Variants in PCDHGA1 observed in about 807,000 individuals in gnomAD.
The protein encoded by PCDHGA1 is protocadherin gamma subfamily A, 1.
Under a neutral mutation model 58.0 loss-of-function variants are expected in PCDHGA1, and 32 were observed. The ratio of observed to expected loss-of-function variants is 0.55; its 90% CI spans 0.42 to 0.74. The LOEUF (loss-of-function observed/expected upper bound fraction) is 0.74, where lower values mean the gene tolerates loss of function less well. PCDHGA1 is among the 30% of genes least tolerant of loss of function. PCDHGA1 has a pLI of 0.00. For synonymous variants in PCDHGA1, 498 were observed against 501.1 expected (o/e 0.99, Z 0.08); for missense variants, 1,205 against 1,182.3 (o/e 1.02, Z -0.28).
chr5:141,445,075 A>G (rs1251499929), intron 1 of PCDHGA1, among the ~76,000 whole-genome samples: 1 of 152,170 alleles, frequency 6.6e-6, no homozygotes, highest in East Asian at 1.9e-4. Context: ...TTCTCATTAA[A>G]TTGTCCCTAC....
intron 1 of PCDHGA1, among the ~76,000 whole-genome samples, chr5:141,482,354 G>C (rs1461472845): frequency 6.6e-6 from 1 of 152,096 alleles, no homozygotes; most frequent in Non-Finnish European, 1.5e-5. Context: ...CTTGTTGTGA[G>C]AGTGAAAAGT....
chr5:141,433,236 C>G, intron 1 of PCDHGA1: 2 of 1,501,160 alleles, frequency 1.3e-6, no homozygotes, highest in South Asian at 1.3e-5. Flanking sequence ...CTCTGTCTCC[C>G]AAGCTGGAAT....
rs756144117 is a variant in PCDHGA1, at chr5:141,485,181, G to A, written c.2422-9626G>A. On this transcript the variant is annotated intron_variant, in intron 1 of 3. Transcript: ENST00000517417. This position sits in a 1 kb window ranked among gnomAD's most constrained non-coding sequence, Gnocchi z 5.7. ...AATTAGCGGGCGGCAGCAATGCTCC[G>A]CAAGGTGAGAAGCTGGACAGAAATC... 3.1e-6 allele frequency: 5 copies of A among 1,612,942 alleles called. No individual in the cohort carries two copies. The South Asian group carries it at 4.4e-5, about 14-fold the overall frequency.
intron 1 of PCDHGA1, among the ~76,000 whole-genome samples, chr5:141,464,022 TG>T (rs948245337): frequency 1.3e-5 from 2 of 151,716 alleles, no homozygotes; most frequent in African/African-American, 4.8e-5. Context: ...TCCCACACTT[TG>T]GGAGGCCAAG....
intron 1 of PCDHGA1, chr5:141,416,273 T>C (rs891505781): frequency 8.5e-5 from 13 of 152,298 alleles, no homozygotes; most frequent in African/African-American, 3.1e-4. Flanking sequence ...CCTTTTTGCA[T>C]ACAATTCTCT....
At chr5:141,343,505 T>C (rs958261053) in intron 1 of PCDHGA1, among the ~76,000 whole-genome samples, 1 of 152,198 alleles carries the variant, frequency 6.6e-6, no homozygotes, top group Non-Finnish European at 1.5e-5. Context: ...GTTGTGTTGG[T>C]CCTTACGGCC....
intron 1 of PCDHGA1, among the ~76,000 whole-genome samples, chr5:141,358,035 A>C (rs1288596535): frequency 6.6e-6 from 1 of 152,126 alleles, no homozygotes; most frequent in Non-Finnish European, 1.5e-5. Context: ...ACTAAAATAC[A>C]AAAAGTTAGC....
chr5:141,481,053 A>T (rs2099530801), intron 1 of PCDHGA1, among the ~76,000 whole-genome samples: 1 of 152,104 alleles, frequency 6.6e-6, no homozygotes, highest in Non-Finnish European at 1.5e-5. Flanking sequence ...GCGAGACTCC[A>T]CCTCAAAAAC....
chr5:141,436,337 A>G (rs1450981655), intron 1 of PCDHGA1, among the ~76,000 whole-genome samples: 1 of 152,178 alleles, frequency 6.6e-6, no homozygotes, highest in Non-Finnish European at 1.5e-5. Flanking sequence ...CATATCTCAA[A>G]TATCAGTGAC....
intron 1 of PCDHGA1, among the ~76,000 whole-genome samples, chr5:141,469,317 C>T (rs1354878667): frequency 6.6e-6 from 1 of 152,092 alleles, no homozygotes; most frequent in Non-Finnish European, 1.5e-5. Flanking sequence ...TGGCTCACGC[C>T]TGTAATCCCA....
chr5:141,366,259 G>A (rs369720611), intron 1 of PCDHGA1: 29 of 1,613,546 alleles, frequency 1.8e-5, no homozygotes, highest in Non-Finnish European at 2.5e-5. Context: ...AGAGCCTCGT[G>A]GTGGCCGTCG....
chr5:141,460,649 A>G (rs1171722531), intron 1 of PCDHGA1, among the ~76,000 whole-genome samples: 2 of 152,152 alleles, frequency 1.3e-5, no homozygotes, highest in Non-Finnish European at 2.9e-5. Flanking sequence ...GTGTTTACAC[A>G]TATGTAACTG....
In PCDHGA1 at chr5:141,423,113, C is replaced by G. The variant is rs2096710947; in HGVS notation, c.2422-71694C>G. On this transcript the variant is annotated intron_variant, in intron 1 of 3. Coordinates refer to ENST00000517417, the MANE Select transcript of PCDHGA1 (RefSeq NM_018912.3). The stretch of plus-strand genomic sequence containing the variant: ...GGGGAGCACACGGGCGAGGTGCGTA[C>G]AGCGCGGGCACTGCTGGACAGAGAC... The G allele has an allele frequency of 1.9e-6, 3 of 1,613,702 alleles. No homozygotes were observed. The highest frequency in any genetic ancestry group is 2.5e-6 in the Non-Finnish European group (3 of 1,179,992).
intron 1 of PCDHGA1, chr5:141,376,616 G>C: frequency 7.1e-7 from 1 of 1,413,872 alleles, no homozygotes; most frequent in Non-Finnish European, 9.6e-7. Flanking sequence ...AACCTCTTTT[G>C]GTACAGGAAG....
chr5:141,441,811 C>A (rs1007948586), intron 1 of PCDHGA1: 2 of 370,710 alleles, frequency 5.4e-6, no homozygotes, highest in African/African-American at 2.2e-5. Flanking sequence ...GTGCTGTACC[C>A]CAGCTCTGGA....
chr5:141,422,140 C>A, intron 1 of PCDHGA1: 1 of 1,586,776 alleles, frequency 6.3e-7, no homozygotes, highest in Non-Finnish European at 8.5e-7. Flanking sequence ...AGTTCAAGTA[C>A]GGGGGTCTCT....
At position 141,476,689 on chromosome 5, in the gene PCDHGA1, C is replaced by A; in HGVS notation, c.2422-18118C>A. Reference sequence around the variant, plus strand: ...GCGTGCAGACGCGGGAGGACAGCACCAAGTACGCGGAGCTGGTGTTGGAGC... The same window carrying A: ...GCGTGCAGACGCGGGAGGACAGCACAAAGTACGCGGAGCTGGTGTTGGAGC... On this transcript the variant is annotated intron_variant, in intron 1 of 3. Transcript: ENST00000517417. The surrounding 1 kb of genome is among the most constrained non-coding windows in gnomAD (Gnocchi z 7.6). The A allele has an allele frequency of 1.9e-6, 3 of 1,614,226 alleles. No homozygotes were observed. Among genetic ancestry groups the A allele is most frequent in the Non-Finnish European group, 2.5e-6 (3 of 1,180,046 alleles).
At position 141,502,866 on chromosome 5, in the gene PCDHGA1, C is replaced by CTTTTTTTTTTT. The variant is rs549047197; in HGVS notation, c.2481-2523_2481-2513dup. Among the ~76,000 whole-genome samples the CTTTTTTTTTTT allele has an allele frequency of 4.4e-4, 56 of 128,014 alleles. 1 individual carries two copies. The highest frequency in any genetic ancestry group is 5.1e-4 in the Non-Finnish European group (32 of 62,412). The allele number at this position is 128,014 out of a possible 152,430, so 84.0% of individuals were successfully genotyped here. ...GAGCTGCCTAACCCTGACTCTCTGTCTTTTTTTTTTTTTTGACAGGGAGTC... is the reference window on the plus strand; with the variant it reads ...GAGCTGCCTAACCCTGACTCTCTGTCTTTTTTTTTTTTTTTTTTTTTTTTTGACAGGGAGTC... On this transcript the variant is annotated intron_variant, in intron 2 of 3. Coordinates refer to ENST00000517417, the MANE Select transcript of PCDHGA1 (RefSeq NM_018912.3).
At position 141,489,474 on chromosome 5, in the gene PCDHGA1, C is replaced by T. The variant is rs772297075; in HGVS notation, c.2422-5333C>T. On this transcript the variant is annotated intron_variant, in intron 1 of 3. Transcript: ENST00000517417. The surrounding 1 kb of genome is among the most constrained non-coding windows in gnomAD (Gnocchi z 4.5). ...AGAATGGGCGCTATTTTTCCCTGAG[C>T]TTGATGAGTGGTGCCCTGGCAGTGA... 6.2e-7 allele frequency: 1 copy of T among 1,614,108 alleles called. No individual in the cohort carries two copies. The highest frequency in any genetic ancestry group is 8.5e-7 in the Non-Finnish European group (1 of 1,180,034).
Sources: allele counts gnomAD v4.1 joint callset (sites outside exome capture counted in the v4.1 genomes callset), GRCh38; gene constraint gnomAD v4.1.1; non-coding constraint Gnocchi (gnomAD v3.1); transcripts MANE v1.5; gene names NCBI Gene and HGNC (gene_info 2026-07-23, HGNC 2026-07-21).